The following GPC6 variants were observed in gnomAD, a reference collection of about 807,000 sequenced individuals.
The protein encoded by GPC6 is glypican-6.
Under a neutral mutation model 55.2 loss-of-function variants are expected in GPC6, and 14 were observed. The observed-to-expected ratio is 0.25, with a 90% CI of 0.17 to 0.40. GPC6 has a LOEUF of 0.40. Among genes scored for constraint, GPC6 ranks in the 10% least tolerant of loss-of-function variants. GPC6 has a pLI of 1.00. For missense variants in GPC6, 641 were observed against 708.5 expected (o/e 0.90, Z 1.08); for synonymous variants, 278 against 259.6 (o/e 1.07, Z -0.68).
chr13:93,573,393 A>G (rs1240556882), intron 2 of GPC6, among the ~76,000 whole-genome samples: 1 of 152,082 alleles, frequency 6.6e-6, no homozygotes, highest in Admixed American at 6.6e-5. Context: ...ACTTTTAGCA[A>G]TGGTTGTATT....
chr13:93,466,747 G>A (rs1018337835), intron 1 of GPC6, among the ~76,000 whole-genome samples: 7 of 152,106 alleles, frequency 4.6e-5, no homozygotes, highest in Admixed American at 3.3e-4. Flanking sequence ...GAAAGATTAC[G>A]AAAGACAAAT....
intron 6 of GPC6, among the ~76,000 whole-genome samples, chr13:94,330,924 A>G (rs1345870636): frequency 6.6e-6 from 1 of 152,066 alleles, no homozygotes; most frequent in Admixed American, 6.6e-5. Context: ...TTACATTGAT[A>G]TAACCATATA....
intron 3 of GPC6, among the ~76,000 whole-genome samples, chr13:93,982,323 T>C (rs1018416230): frequency 6.7e-6 from 1 of 149,260 alleles, no homozygotes; most frequent in African/African-American, 2.6e-5. Context: ...CAAAAAGACA[T>C]AAGCAATCCT....
chr13:93,879,609 C>G (rs1053384054), intron 3 of GPC6, among the ~76,000 whole-genome samples: 5 of 150,636 alleles, frequency 3.3e-5, no homozygotes, highest in Admixed American at 6.6e-5. Flanking sequence ...ACCATAAAAA[C>G]CCTAGAAGAA....
At chr13:94,033,399 C>T (rs1328553554) in intron 4 of GPC6, among the ~76,000 whole-genome samples, 5 of 152,150 alleles carry the variant, frequency 3.3e-5, no homozygotes, top group Non-Finnish European at 5.9e-5. Context: ...TTGGAACCTA[C>T]AAGAGTTGTC....
chr13:94,150,263 AC>A (rs1194822423), intron 4 of GPC6, among the ~76,000 whole-genome samples: 3 of 151,894 alleles, frequency 2.0e-5, no homozygotes, highest in African/African-American at 4.8e-5. Flanking sequence ...TGCCTAATTT[AC>A]CCCACCATCA....
intron 1 of GPC6, among the ~76,000 whole-genome samples, chr13:93,449,125 A>C (rs1878118042): frequency 6.6e-6 from 1 of 152,266 alleles, no homozygotes; most frequent in East Asian, 1.9e-4. Context: ...AATATTTGTG[A>C]AATGAGTGAA....
At chr13:93,217,492 T>A in the GPC6 span, among the ~76,000 whole-genome samples, 1 of 152,232 alleles carries the variant, frequency 6.6e-6, no homozygotes, top group African/African-American at 2.4e-5. Flanking sequence ...TCTTACTGTA[T>A]TCAAATGTTC....
intron 1 of GPC6, among the ~76,000 whole-genome samples, chr13:93,467,067 G>A (rs1304208529): frequency 6.6e-6 from 1 of 152,144 alleles, no homozygotes; most frequent in African/African-American, 2.4e-5. Flanking sequence ...CTAAATCCAA[G>A]TCTTAAATAT....
chr13:94,346,769 G>A (rs1041038264), intron 6 of GPC6, among the ~76,000 whole-genome samples: 14 of 151,890 alleles, frequency 9.2e-5, no homozygotes, highest in Non-Finnish European at 1.8e-4. Flanking sequence ...ACCCTTTGGC[G>A]TGGGAGGTAG....
chr13:93,314,968 C>A (rs1261019956), intron 1 of GPC6, among the ~76,000 whole-genome samples: 1 of 151,896 alleles, frequency 6.6e-6, no homozygotes, highest in East Asian at 1.9e-4. Flanking sequence ...TATGTCATAG[C>A]AGTAGAAACA....
intron 3 of GPC6, among the ~76,000 whole-genome samples, chr13:93,901,534 A>C (rs2140327332): frequency 6.6e-6 from 1 of 152,258 alleles, no homozygotes; most frequent in South Asian, 2.1e-4. Flanking sequence ...TTGTTTGAAA[A>C]TTCTGAATCA....
intron 4 of GPC6, among the ~76,000 whole-genome samples, chr13:94,279,924 T>G (rs1183225473): frequency 6.6e-6 from 1 of 152,204 alleles, no homozygotes; most frequent in Non-Finnish European, 1.5e-5. Context: ...ACTCTGTTGA[T>G]TTGGGGTGAA....
chr13:93,781,186 G>A (rs1300186876), intron 2 of GPC6, among the ~76,000 whole-genome samples: 2 of 151,006 alleles, frequency 1.3e-5, no homozygotes, highest in African/African-American at 4.9e-5. Flanking sequence ...TGAGGCAAGA[G>A]AATCACTTGA....
At chr13:93,891,740 T>A (rs1345802672) in intron 3 of GPC6, among the ~76,000 whole-genome samples, 4 of 152,092 alleles carry the variant, frequency 2.6e-5, no homozygotes, top group Non-Finnish European at 5.9e-5. Flanking sequence ...TGTGTATGTA[T>A]ACATACACAT....
intron 1 of GPC6, among the ~76,000 whole-genome samples, chr13:93,380,740 T>C (rs1875129289): frequency 6.6e-6 from 1 of 152,188 alleles, no homozygotes; most frequent in African/African-American, 2.4e-5. Flanking sequence ...CTGCACTATA[T>C]GCCTCTACTT....
At chr13:93,428,833 A>ATAAATG (rs1877250149) in intron 1 of GPC6, among the ~76,000 whole-genome samples, 3 of 152,176 alleles carry the variant, frequency 2.0e-5, no homozygotes, top group African/African-American at 7.2e-5. Flanking sequence ...GTTTGAATAA[A>ATAAATG]TAAATGTAAA....
chr13:94,270,848 G>T (rs1044666431), intron 4 of GPC6, among the ~76,000 whole-genome samples: 3 of 152,040 alleles, frequency 2.0e-5, no homozygotes, highest in African/African-American at 7.2e-5. Context: ...AAGAGAAGTG[G>T]CAGAAAGAGA....
chr13:94,158,844 A>G (rs1594000754), intron 4 of GPC6, among the ~76,000 whole-genome samples: 1 of 152,124 alleles, frequency 6.6e-6, no homozygotes, highest in South Asian at 2.1e-4. Flanking sequence ...TGTGTGTAAA[A>G]CAAGGATAAT....
Sources: gnomAD v4.1 joint callset for allele counts (sites outside exome capture counted in the v4.1 genomes callset) on GRCh38, gnomAD v4.1.1 for gene constraint, MANE v1.5 for transcripts, NCBI Gene and HGNC (gene_info 2026-07-23, HGNC 2026-07-21) for gene names.